Variants in CACNA1I observed in about 807,000 individuals in gnomAD.
CACNA1I encodes voltage-dependent T-type calcium channel subunit alpha-1I.
Under a neutral mutation model 201.6 loss-of-function variants are expected in CACNA1I, and 74 were observed. The ratio of observed to expected loss-of-function variants is 0.37; its 90% CI spans 0.30 to 0.45. CACNA1I has a LOEUF of 0.45. Among genes scored for constraint, CACNA1I ranks in the 20% least tolerant of loss-of-function variants. CACNA1I has a pLI of 1.00. For synonymous variants in CACNA1I, 1,431 were observed against 1,345.2 expected (o/e 1.06, Z -1.40); for missense variants, 2,346 against 3,138.1 (o/e 0.75, Z 6.03).
intron 7 of CACNA1I, 143 bp from the exon 8 acceptor site, chr22:39,646,426 T>A: frequency 7.7e-7 from 1 of 1,303,566 alleles, no homozygotes. Context: ...TGTACCGCCA[T>A]CTCCATCTCC....
chr22:39,576,177 T>A (rs1304668841), intron 1 of CACNA1I, among the ~76,000 whole-genome samples: 2 of 152,230 alleles, frequency 1.3e-5, no homozygotes, highest in Non-Finnish European at 2.9e-5. Flanking sequence ...AGTTTTCTTA[T>A]CTCTTTAATG....
chr22:39,647,127 A>G (rs1465501091), intron 8 of CACNA1I, among the ~76,000 whole-genome samples: 1 of 151,868 alleles, frequency 6.6e-6, no homozygotes, highest in Admixed American at 6.6e-5. Context: ...GAGGAACTCG[A>G]TCCCTGTGTA....
intron 5 of CACNA1I, among the ~76,000 whole-genome samples, chr22:39,635,178 T>C (rs1358929758): frequency 6.6e-6 from 1 of 152,206 alleles, no homozygotes; most frequent in Non-Finnish European, 1.5e-5. Flanking sequence ...CACATGTACC[T>C]GCGTGTATGT....
intron 20 of CACNA1I, among the ~76,000 whole-genome samples, chr22:39,664,536 C>G (rs982157262): frequency 6.6e-6 from 1 of 152,098 alleles, no homozygotes; most frequent in Non-Finnish European, 1.5e-5. Flanking sequence ...GGGCCCTGAC[C>G]CTGCCCTGTC....
chr22:39,635,579 G>A (rs1199094004), intron 5 of CACNA1I, among the ~76,000 whole-genome samples: 5 of 152,184 alleles, frequency 3.3e-5, no homozygotes, highest in Non-Finnish European at 7.4e-5. Context: ...CCATCGCTGT[G>A]GGGGAACAGT....
intron 10 of CACNA1I, among the ~76,000 whole-genome samples, chr22:39,655,431 G>C (rs986173355): frequency 1.1e-4 from 16 of 152,178 alleles, no homozygotes; most frequent in African/African-American, 3.9e-4. Flanking sequence ...CCTTCAGCAT[G>C]TCTGCCTTCA....
chr22:39,684,470 C>G lies in CACNA1I; in HGVS notation c.5999C>G (p.Pro2000Arg). ...LQGSWASLRS[P>R]RVNCTLLRQA... ...GGCTCCTGGGCATCTCTGCGGTCAC[C>G]AAGGGTCAACTGTACCCTCCTCCGG... The change falls in exon 36 of 37, where the codon CCA (proline) becomes CGA (arginine). Residue 2000 changes from proline to arginine, a missense_variant. This residue lies in a region of CACNA1I where 441 missense variants were observed against 555.6 expected (regional missense o/e 0.79). Coordinates refer to ENST00000402142, the MANE Select transcript of CACNA1I (RefSeq NM_021096.4). This position sits in a 1 kb window ranked among gnomAD's most constrained non-coding sequence, Gnocchi z 4.6. 1 of 1,613,322 alleles carries G rather than the reference C, an allele frequency of 6.2e-7. No individual in the cohort carries two copies. Among genetic ancestry groups the G allele is most frequent in the Non-Finnish European group, 8.5e-7 (1 of 1,179,852 alleles).
chr22:39,669,918 A>G, intron 24 of CACNA1I, 120 bp from the exon 25 acceptor site: 1 of 1,106,368 alleles, frequency 9.0e-7, no homozygotes. Context: ...CCTCACAGCC[A>G]CCTTCCTGGA....
chr22:39,664,721 G>GCC lies in CACNA1I; in HGVS notation c.3667-15_3667-14dup. ...CCCCTCCCGCGGCAGCCTGACCCCG[G>GCC]CCCCACCCCCGCCCCAGGTAGTCTC... is the stretch of plus-strand genomic sequence containing the variant. On this transcript the variant is annotated splice_polypyrimidine_tract_variant and intron_variant, in intron 20 of 36. Transcript: ENST00000402142. 8.4e-7 allele frequency: 1 copy of GCC among 1,187,020 alleles called. No homozygotes were observed. The highest frequency in any genetic ancestry group is 1.1e-6 in the Non-Finnish European group (1 of 873,562). The allele number at this position is 1,187,020 out of a possible 1,614,324, so 73.5% of individuals were successfully genotyped here.
At chr22:39,609,179 G>A (rs889896719) in intron 3 of CACNA1I, among the ~76,000 whole-genome samples, 1 of 152,240 alleles carries the variant, frequency 6.6e-6, no homozygotes, top group East Asian at 1.9e-4. Context: ...TGTGAGGGCT[G>A]TGGTCAGTTC....
At chr22:39,620,724 T>C (rs956292340) in intron 4 of CACNA1I, among the ~76,000 whole-genome samples, 1 of 147,936 alleles carries the variant, frequency 6.8e-6, no homozygotes, top group African/African-American at 2.4e-5. Flanking sequence ...GCCTTCCTGG[T>C]TTTTTTTTGT....
intron 18 of CACNA1I, 69 bp downstream of exon 18, chr22:39,662,945 G>A: frequency 9.5e-7 from 1 of 1,054,264 alleles, no homozygotes; most frequent in Non-Finnish European, 1.4e-6. Context: ...TCTCTGCCAA[G>A]CCAGGCAAGG....
intron 3 of CACNA1I, among the ~76,000 whole-genome samples, chr22:39,602,788 C>T (rs1933106333): frequency 6.6e-6 from 1 of 152,078 alleles, no homozygotes; most frequent in South Asian, 2.1e-4. Flanking sequence ...AGCTTGTGGG[C>T]TTTTCTCTTT....
chr22:39,639,599 G>T (rs1329076923), intron 5 of CACNA1I, among the ~76,000 whole-genome samples: 1 of 152,092 alleles, frequency 6.6e-6, no homozygotes, highest in Non-Finnish European at 1.5e-5. Context: ...AAAATGAGAT[G>T]ATTTATATGT....
At chr22:39,637,897 C>T (rs184190219) in intron 5 of CACNA1I, among the ~76,000 whole-genome samples, 71 of 152,150 alleles carry the variant, frequency 4.7e-4, no homozygotes, top group Admixed American at 3.7e-3. Context: ...GTAGGTCTGA[C>T]GTCCAAATCT....
chr22:39,635,854 T>C (rs756826899), intron 5 of CACNA1I, among the ~76,000 whole-genome samples: 6 of 152,094 alleles, frequency 3.9e-5, no homozygotes, highest in Non-Finnish European at 7.4e-5. Context: ...TGACACCTCC[T>C]CCTAGAGGCC....
At chr22:39,628,916 G>A (rs1363688988) in intron 4 of CACNA1I, among the ~76,000 whole-genome samples, 1 of 152,176 alleles carries the variant, frequency 6.6e-6, no homozygotes, top group African/African-American at 2.4e-5. Flanking sequence ...AGCTGGCCTG[G>A]CTGGACTGAT....
intron 1 of CACNA1I, among the ~76,000 whole-genome samples, chr22:39,579,198 C>T (rs1347704778): frequency 1.3e-5 from 2 of 152,248 alleles, no homozygotes; most frequent in African/African-American, 4.8e-5. Flanking sequence ...GTTCACAGAG[C>T]TCTTCCCCAC....
At position 39,660,281 on chromosome 22, in the gene CACNA1I, G is replaced by T. The variant is rs1284252155; in HGVS notation, c.2605-63G>T. 3 of 1,289,698 alleles carry T rather than the reference G, an allele frequency of 2.3e-6. No individual in the cohort carries two copies. In the Admixed American group the frequency reaches 6.7e-5, roughly 29 times the overall value. The allele number at this position is 1,289,698 out of a possible 1,614,324, so 79.9% of individuals were successfully genotyped here. A position where few individuals can be genotyped will look rare whatever the true frequency, so the allele number is the denominator to read the frequency against. ...TGGAAACACCCATAGAAAAATTCTA[G>T]AGGGAGCTGGGAAGGGAGGAGCTGG... is the stretch of plus-strand genomic sequence containing the variant. On this transcript the variant is annotated intron_variant, in intron 14 of 36. Coordinates refer to ENST00000402142, the MANE Select transcript of CACNA1I (RefSeq NM_021096.4).
Sources: allele counts gnomAD v4.1 joint callset (sites outside exome capture counted in the v4.1 genomes callset), GRCh38; gene constraint gnomAD v4.1.1; regional missense constraint gnomAD v4.1.1; non-coding constraint Gnocchi (gnomAD v3.1); transcripts MANE v1.5; gene names NCBI Gene and HGNC (gene_info 2026-07-23, HGNC 2026-07-21).